TCF7L1: variants seen among roughly 807,000 people sequenced by gnomAD.
The protein encoded by TCF7L1 is transcription factor 7 like 1.
Under a neutral mutation model 63.7 loss-of-function variants are expected in TCF7L1, and 18 were observed. The ratio of observed to expected loss-of-function variants is 0.28; its 90% CI spans 0.20 to 0.42. The LOEUF is 0.42. TCF7L1 is among the 10% of genes least tolerant of loss of function. The probability of loss-of-function intolerance (pLI) is 1.00; values close to 1 mark genes in which losing one functional copy is unlikely to be tolerated. For missense variants in TCF7L1, 654 were observed against 779.3 expected, an observed-to-expected ratio of 0.84 and a Z score of 1.91; for synonymous variants, 355 against 340.9, an observed-to-expected ratio of 1.04 and a Z score of -0.46.
intron 4 of TCF7L1, among the ~76,000 whole-genome samples, chr2:85,297,997 G>A (rs1411780085): frequency 6.7e-5 from 10 of 149,758 alleles, no homozygotes; most frequent in Admixed American, 1.3e-4. Context: ...TCCCTCTGTC[G>A]CTCAGGATGG....
At chr2:85,250,691 C>T (rs1445074060) in intron 3 of TCF7L1, among the ~76,000 whole-genome samples, 1 of 152,178 alleles carries the variant, frequency 6.6e-6, no homozygotes, top group Non-Finnish European at 1.5e-5. Context: ...CCACCTCAGC[C>T]TCCCAAAGTG....
chr2:85,257,107 G>A lies in TCF7L1; in HGVS notation c.442-26388G>A, dbSNP rs997006830. Among the ~76,000 whole-genome samples, 4 of 152,048 alleles carry A rather than the reference G, an allele frequency of 2.6e-5. No individual in the cohort carries two copies. In the East Asian group the frequency reaches 5.8e-4, roughly 22 times the overall value. On this transcript the variant is annotated intron_variant, in intron 3 of 11. Transcript: ENST00000282111. Reference sequence around the variant, plus strand: ...CACATGCCTGTGGTCTCAGCTACTCGAGAGGCTGAATCAGGAAGATTGCTT... The same window carrying A: ...CACATGCCTGTGGTCTCAGCTACTCAAGAGGCTGAATCAGGAAGATTGCTT...
chr2:85,306,392 C>G lies in TCF7L1; in HGVS notation c.1149+27C>G. The G allele has an allele frequency of 6.2e-7, 1 of 1,613,038 alleles. No homozygotes were observed. The highest frequency in any genetic ancestry group is 8.5e-7 in the Non-Finnish European group (1 of 1,179,080). Reference sequence around the variant, plus strand: ...TAAGACCTGCCCTCTCCCTCCAGGCCAGGGAGGCAGCGTCCCTGCATTGAT... The same window carrying G: ...TAAGACCTGCCCTCTCCCTCCAGGCGAGGGAGGCAGCGTCCCTGCATTGAT... On this transcript the variant is annotated intron_variant, in intron 9 of 11. Transcript: ENST00000282111. The surrounding 1 kb of genome is among the most constrained non-coding windows in gnomAD (Gnocchi z 4.3).
At chr2:85,141,212 G>A (rs1051338816) in intron 3 of TCF7L1, among the ~76,000 whole-genome samples, 4 of 71,528 alleles carry the variant, frequency 5.6e-5, no homozygotes, top group African/African-American at 2.4e-4. Context: ...CCCAGCTTGG[G>A]TGACAGACAG....
intron 3 of TCF7L1, among the ~76,000 whole-genome samples, chr2:85,220,122 T>C (rs1679809105): frequency 1.3e-5 from 2 of 152,132 alleles, no homozygotes; most frequent in Admixed American, 1.3e-4. Context: ...AATACATATG[T>C]AGTGAAATAT....
At position 85,295,019 on chromosome 2, in the gene TCF7L1, G is replaced by A. The variant is rs558731771; in HGVS notation, c.526-7465G>A. 4.6e-5 allele frequency among the ~76,000 whole-genome samples: 7 copies of A among 151,992 alleles called. No individual in the cohort carries two copies. In the South Asian group the frequency reaches 1.5e-3, roughly 32 times the overall value. On this transcript the variant is annotated intron_variant, in intron 4 of 11. Coordinates refer to ENST00000282111, the MANE Select transcript of TCF7L1 (RefSeq NM_031283.3). Reference sequence around the variant, plus strand: ...ACTGCACTCCAGCCTGGGTGACTGAGACCCTGTCTGAAAAAAAAAATTTTT... The same window carrying A: ...ACTGCACTCCAGCCTGGGTGACTGAAACCCTGTCTGAAAAAAAAAATTTTT...
At chr2:85,230,438 ATT>A (rs765732595) in intron 3 of TCF7L1, among the ~76,000 whole-genome samples, 5 of 151,966 alleles carry the variant, frequency 3.3e-5, no homozygotes, top group Non-Finnish European at 7.4e-5. Context: ...GGTTCAAGTG[ATT>A]TTCATGCCTC....
chr2:85,306,156 T>C lies in TCF7L1; in HGVS notation c.990-50T>C. ...TGTTTCAGTGACAGGTGGGGATTGA[T>C]GAGTTGTGTGACACCTGACATGCTA... On this transcript the variant is annotated intron_variant, in intron 8 of 11. Coordinates refer to ENST00000282111, the MANE Select transcript of TCF7L1 (RefSeq NM_031283.3). This position sits in a 1 kb window ranked among gnomAD's most constrained non-coding sequence, Gnocchi z 4.3. 2 of 1,608,100 alleles carry C rather than the reference T, an allele frequency of 1.2e-6. No homozygotes were observed. Among genetic ancestry groups the C allele is most frequent in the Non-Finnish European group, 1.7e-6 (2 of 1,175,514 alleles).
intron 3 of TCF7L1, among the ~76,000 whole-genome samples, chr2:85,145,348 G>C (rs1428721209): frequency 2.6e-5 from 4 of 152,200 alleles, no homozygotes; most frequent in Non-Finnish European, 5.9e-5. Context: ...GTGTAAGTTT[G>C]AGAGATGGCA....
At chr2:85,220,079 TGAA>T (rs1319446773) in intron 3 of TCF7L1, among the ~76,000 whole-genome samples, 10 of 152,204 alleles carry the variant, frequency 6.6e-5, no homozygotes, top group Admixed American at 5.9e-4. Context: ...AATAAAAAAT[TGAA>T]GACACTCATT....
At chr2:85,152,561 A>C (rs972249134) in intron 3 of TCF7L1, among the ~76,000 whole-genome samples, 1 of 151,364 alleles carries the variant, frequency 6.6e-6, no homozygotes, top group Non-Finnish European at 1.5e-5. Flanking sequence ...CAGCCTCCCA[A>C]GTAGCTGAGA....
At chr2:85,278,407 C>G (rs1436780673) in intron 3 of TCF7L1, among the ~76,000 whole-genome samples, 1 of 152,164 alleles carries the variant, frequency 6.6e-6, no homozygotes, top group East Asian at 1.9e-4. Context: ...ATGTAAAAGT[C>G]AAAAATTTAA....
chr2:85,225,017 C>A (rs180921964), intron 3 of TCF7L1, among the ~76,000 whole-genome samples: 3 of 152,294 alleles, frequency 2.0e-5, no homozygotes, highest in Admixed American at 6.5e-5. Flanking sequence ...GTTTTCCCAG[C>A]ACCATTTATT....
At chr2:85,257,514 T>C (rs1558648319) in intron 3 of TCF7L1, among the ~76,000 whole-genome samples, 1 of 152,128 alleles carries the variant, frequency 6.6e-6, no homozygotes, top group Non-Finnish European at 1.5e-5. Flanking sequence ...GCCACTTTGC[T>C]CATGGGATTT....
chr2:85,162,811 C>T (rs936079612), intron 3 of TCF7L1, among the ~76,000 whole-genome samples: 1 of 152,150 alleles, frequency 6.6e-6, no homozygotes, highest in Non-Finnish European at 1.5e-5. Context: ...CTTTGAGCTG[C>T]TGGCACGGAG....
chr2:85,309,533 G>A lies in TCF7L1; in HGVS notation c.*71G>A, dbSNP rs368200378. 3 of 1,475,742 alleles carry A rather than the reference G, an allele frequency of 2.0e-6. No individual in the cohort carries two copies. Among genetic ancestry groups the A allele is most frequent in the Non-Finnish European group, 9.1e-7 (1 of 1,102,532 alleles). The allele number at this position is 1,475,742 out of a possible 1,614,324, so 91.4% of individuals were successfully genotyped here. ...AATGATTCAGAAGAAAAAGAAAAAG[G>A]AGACTTTATTGGTCAATATTTGACC... On this transcript the variant is annotated 3_prime_UTR_variant, in exon 12 of 12. Coordinates refer to ENST00000282111, the MANE Select transcript of TCF7L1 (RefSeq NM_031283.3).
At chr2:85,211,663 G>A (rs1394918759) in intron 3 of TCF7L1, among the ~76,000 whole-genome samples, 2 of 152,206 alleles carry the variant, frequency 1.3e-5, no homozygotes, top group Non-Finnish European at 2.9e-5. Context: ...GCCACAGCAG[G>A]GGAGACCCCA....
chr2:85,220,898 T>G (rs1679826465), intron 3 of TCF7L1, among the ~76,000 whole-genome samples: 1 of 152,194 alleles, frequency 6.6e-6, no homozygotes, highest in African/African-American at 2.4e-5. Flanking sequence ...CAGATTATAT[T>G]CACCAAATCC....
intron 3 of TCF7L1, among the ~76,000 whole-genome samples, chr2:85,246,597 C>T (rs868439127): frequency 2.6e-5 from 4 of 152,206 alleles, no homozygotes. Context: ...CGAGGCTCTC[C>T]ACGCAGGTCT....
Sources: gnomAD v4.1 joint callset for allele counts (sites outside exome capture counted in the v4.1 genomes callset) on GRCh38, gnomAD v4.1.1 for gene constraint, Gnocchi (gnomAD v3.1) non-coding constraint, MANE v1.5 for transcripts, NCBI Gene and HGNC (gene_info 2026-07-23, HGNC 2026-07-21) for gene names.